DMD: variants seen among roughly 807,000 people sequenced by gnomAD.
DMD encodes the protein dystrophin.
A neutral mutation model predicts 330.1 loss-of-function variants in DMD; 63 were observed. The observed-to-expected ratio is 0.19, with a 90% CI of 0.16 to 0.24. The LOEUF (loss-of-function observed/expected upper bound fraction) is 0.24, where lower values mean the gene tolerates loss of function less well. Among genes scored for constraint, DMD ranks in the 10% least tolerant of loss-of-function variants. The pLI, the probability that DMD is intolerant of heterozygous loss-of-function variation, is 1.00. For synonymous variants in DMD, 1,223 were observed against 959.8 expected (o/e 1.27, Z -5.07); for missense variants, 3,344 against 2,684.1 (o/e 1.25, Z -5.43).
chrX:32,140,164 T>A (rs1179322282), intron 44 of DMD, among the ~76,000 whole-genome samples: 1 of 112,433 alleles, frequency 8.9e-6, no homozygotes, highest in Non-Finnish European at 1.9e-5. Flanking sequence ...ATGATTTGAA[T>A]TCACCTTATG....
intron 44 of DMD, among the ~76,000 whole-genome samples, chrX:32,115,396 C>G (rs994714438): frequency 2.7e-5 from 3 of 110,242 alleles, no homozygotes; most frequent in Non-Finnish European, 3.8e-5. Flanking sequence ...CCACCACACC[C>G]GATTAATTTT....
At chrX:33,005,271 CACAA>C (rs2093368461) in intron 2 of DMD, among the ~76,000 whole-genome samples, 2 of 81,337 alleles carry the variant, frequency 2.5e-5, no homozygotes, top group Non-Finnish European at 5.3e-5. Context: ...TTTACACACA[CACAA>C]ACACACACAC....
chrX:32,736,466 C>G (rs1160318337), intron 7 of DMD, among the ~76,000 whole-genome samples: 1 of 110,305 alleles, frequency 9.1e-6, no homozygotes, highest in Non-Finnish European at 1.9e-5. Context: ...CACATGCACA[C>G]GTATGTTTAT....
At chrX:31,325,446 C>CAA (rs386416849) in intron 61 of DMD, among the ~76,000 whole-genome samples, 6,374 of 50,893 alleles carry the variant, frequency 0.13, 669 homozygotes, top group East Asian at 0.28. Flanking sequence ...CTAAAAATAC[C>CAA]AAAAAAAAAA....
At chrX:32,598,535 C>T in intron 12 of DMD, among the ~76,000 whole-genome samples, 1 of 111,601 alleles carries the variant, frequency 9.0e-6, no homozygotes. Flanking sequence ...ACATATATTA[C>T]AAAATTACAA....
chrX:31,791,031 T>G (rs1440548493), intron 50 of DMD, among the ~76,000 whole-genome samples: 2 of 111,732 alleles, frequency 1.8e-5, no homozygotes, highest in Non-Finnish European at 3.8e-5. Flanking sequence ...AGACAACACT[T>G]GAGGTGGTTG....
intron 57 of DMD, 76 bp from the exon 58 acceptor site, chrX:31,479,179 C>T (rs745421770): frequency 1.5e-5 from 16 of 1,102,008 alleles, no homozygotes; most frequent in South Asian, 1.9e-5. Context: ...GTGCTCAGAA[C>T]TTGTTTATGA....
At chrX:31,352,425 G>C (rs2058477918) in intron 60 of DMD, among the ~76,000 whole-genome samples, 1 of 111,084 alleles carries the variant, frequency 9.0e-6, no homozygotes, top group Non-Finnish European at 1.9e-5. Context: ...AAATCCCAAG[G>C]GGAAGATGTA....
chrX:32,565,926 C>T, intron 15 of DMD, 45 bp from the exon 16 acceptor site: 1 of 1,085,350 alleles, frequency 9.2e-7, no homozygotes, highest in South Asian at 1.9e-5. Context: ...GGTTGCATTC[C>T]ATACACCACT....
At chrX:32,374,743 C>A (rs1488684890) in intron 34 of DMD, among the ~76,000 whole-genome samples, 1 of 111,370 alleles carries the variant, frequency 9.0e-6, no homozygotes, top group East Asian at 2.8e-4. Context: ...ATGTAATGCC[C>A]TCAACTTTGT....
intron 2 of DMD, among the ~76,000 whole-genome samples, chrX:32,928,880 T>A (rs1472235165): frequency 8.9e-6 from 1 of 112,251 alleles, no homozygotes; most frequent in Non-Finnish European, 1.9e-5. Flanking sequence ...AACATTTGTT[T>A]ATGCATGGCT....
chrX:33,085,973 A>G (rs1319311559), intron 1 of DMD: 1 of 112,291 alleles, frequency 8.9e-6, no homozygotes, highest in African/African-American at 3.2e-5. Context: ...AGTTATTAGT[A>G]CAAAGAGAAA....
chrX:31,325,747 C>T (rs781781437), intron 61 of DMD, among the ~76,000 whole-genome samples: 16 of 111,629 alleles, frequency 1.4e-4, no homozygotes, highest in African/African-American at 4.2e-4. Context: ...GAAATTATAG[C>T]TCCTGGCTGC....
intron 44 of DMD, among the ~76,000 whole-genome samples, chrX:32,167,820 T>A (rs747829837): frequency 2.7e-4 from 30 of 112,049 alleles, no homozygotes; most frequent in African/African-American, 9.1e-4. Flanking sequence ...TACTCACAGG[T>A]TTGCTAAAAG....
At chrX:33,272,677 AACAC>A (rs1053737774) in intron 1 of DMD, among the ~76,000 whole-genome samples, 3 of 104,503 alleles carry the variant, frequency 2.9e-5, no homozygotes, top group Non-Finnish European at 5.8e-5. Context: ...AAAAAAAAAA[AACAC>A]ACACACACAA....
At chrX:33,116,934 A>G (rs1352114758) in intron 1 of DMD, among the ~76,000 whole-genome samples, 1 of 110,983 alleles carries the variant, frequency 9.0e-6, no homozygotes, top group African/African-American at 3.3e-5. Context: ...CAGGATTCAT[A>G]CTGCTCTCAA....
chrX:31,623,219 G>A (rs1019403841), intron 55 of DMD, among the ~76,000 whole-genome samples: 1 of 110,419 alleles, frequency 9.1e-6, no homozygotes, highest in African/African-American at 3.3e-5. Context: ...GAATTAATCC[G>A]TGCGCCAAAA....
chrX:31,870,571 C>T (rs575056057), intron 48 of DMD, among the ~76,000 whole-genome samples: 1 of 112,217 alleles, frequency 8.9e-6, no homozygotes, highest in East Asian at 2.8e-4. Flanking sequence ...CAATCTGTCT[C>T]CTCTATTGCA....
At chrX:32,733,032 G>C (rs1164197872) in intron 7 of DMD, among the ~76,000 whole-genome samples, 7 of 109,874 alleles carry the variant, frequency 6.4e-5, no homozygotes, top group African/African-American at 1.7e-4. Flanking sequence ...CATGTGCAGA[G>C]ACACACATAG....
Sources: allele counts gnomAD v4.1 joint callset (sites outside exome capture counted in the v4.1 genomes callset), GRCh38; gene constraint gnomAD v4.1.1; transcripts MANE v1.5; gene names NCBI Gene and HGNC (gene_info 2026-07-23, HGNC 2026-07-21).